The following MAP2K1 variants were observed in gnomAD, a reference collection of about 807,000 sequenced individuals.
MAP2K1 encodes the protein mitogen-activated protein kinase kinase 1, also known as dual specificity mitogen-activated protein kinase kinase 1.
MAP2K1 carries 16 observed loss-of-function variants against 46.3 expected under a neutral mutation model. That is an observed-to-expected ratio of 0.35 (90% CI 0.23 to 0.52). The LOEUF is 0.52. Ranked by LOEUF, MAP2K1 falls within the 20% of genes least tolerant of loss-of-function variation. The probability of loss-of-function intolerance (pLI) is 0.94; values close to 1 mark genes in which losing one functional copy is unlikely to be tolerated. For synonymous variants in MAP2K1, 183 were observed against 185.6 expected, an observed-to-expected ratio of 0.99 and a Z score of 0.11; for missense variants, 263 against 497.1, an observed-to-expected ratio of 0.53 and a Z score of 4.48.
intron 1 of MAP2K1, among the ~76,000 whole-genome samples, chr15:66,408,210 A>G (rs1429827620): frequency 2.0e-5 from 3 of 152,236 alleles, no homozygotes; most frequent in African/African-American, 7.2e-5. Flanking sequence ...CTTACTTTCT[A>G]TCAGGTGAGA....
chr15:66,463,610 G>A (rs1299374587), intron 5 of MAP2K1, among the ~76,000 whole-genome samples: 13 of 152,222 alleles, frequency 8.5e-5, no homozygotes, highest in African/African-American at 2.9e-4. Context: ...AGCCTCCCGA[G>A]TAGCCGGGAT....
intron 5 of MAP2K1, among the ~76,000 whole-genome samples, chr15:66,454,832 G>A (rs765505258): frequency 1.1e-4 from 17 of 151,856 alleles, no homozygotes; most frequent in Non-Finnish European, 2.1e-4. Flanking sequence ...GCAATGAGCC[G>A]AGATCGTGCC....
At chr15:66,429,027 G>A (rs112573515) in intron 1 of MAP2K1, among the ~76,000 whole-genome samples, 3 of 152,020 alleles carry the variant, frequency 2.0e-5, no homozygotes, top group Admixed American at 6.5e-5. Context: ...TGATCCTCCC[G>A]CCTCGGCCTC....
intron 5 of MAP2K1, chr15:66,453,638 A>G (rs1448169572): frequency 4.4e-6 from 3 of 686,346 alleles, no homozygotes; most frequent in Non-Finnish European, 7.9e-6. Flanking sequence ...GGCCAGTTCT[A>G]CCTCTGTTCT....
At chr15:66,484,770 A>G (rs959264220) in intron 6 of MAP2K1, among the ~76,000 whole-genome samples, 5 of 152,202 alleles carry the variant, frequency 3.3e-5, no homozygotes, top group African/African-American at 1.2e-4. Context: ...AGGCCAGATT[A>G]TAGGAGAAAT....
chr15:66,437,252 G>A (rs1363691903), intron 3 of MAP2K1, among the ~76,000 whole-genome samples: 1 of 152,156 alleles, frequency 6.6e-6, no homozygotes, highest in African/African-American at 2.4e-5. Flanking sequence ...GCAAGGCTCT[G>A]GAGTTAAAAA....
chr15:66,474,669 G>A (rs926543657), intron 5 of MAP2K1, among the ~76,000 whole-genome samples: 1 of 152,146 alleles, frequency 6.6e-6, no homozygotes, highest in African/African-American at 2.4e-5. Flanking sequence ...TCAGGGGTCT[G>A]AGTTCTAACC....
At chr15:66,413,272 T>C (rs2093416048) in intron 1 of MAP2K1, among the ~76,000 whole-genome samples, 1 of 152,232 alleles carries the variant, frequency 6.6e-6, no homozygotes, top group Non-Finnish European at 1.5e-5. Flanking sequence ...CATTCTGGGC[T>C]GGTGTCTAGG....
chr15:66,462,030 G>A (rs1376642307), intron 5 of MAP2K1, among the ~76,000 whole-genome samples: 2 of 152,204 alleles, frequency 1.3e-5, no homozygotes, highest in African/African-American at 4.8e-5. Context: ...GGGCTCCAAA[G>A]AGGCAGAAGA....
At chr15:66,452,251 A>C (rs1276184161) in intron 5 of MAP2K1, among the ~76,000 whole-genome samples, 1 of 142,586 alleles carries the variant, frequency 7.0e-6, no homozygotes, top group Non-Finnish European at 1.5e-5. Context: ...ACTAACCTGC[A>C]CAATGTGCAC....
intron 1 of MAP2K1, among the ~76,000 whole-genome samples, chr15:66,405,326 T>G (rs2093393717): frequency 6.6e-6 from 1 of 152,202 alleles, no homozygotes; most frequent in Non-Finnish European, 1.5e-5. Flanking sequence ...TAATTAAAAT[T>G]AAAGTTGAAA....
intron 1 of MAP2K1, among the ~76,000 whole-genome samples, chr15:66,390,000 A>C (rs2093353061): frequency 6.6e-6 from 1 of 152,208 alleles, no homozygotes; most frequent in Admixed American, 6.6e-5. Flanking sequence ...GTAAACTTCC[A>C]AAGCTGTTGG....
chr15:66,454,288 C>T (rs891754791), intron 5 of MAP2K1, among the ~76,000 whole-genome samples: 4 of 148,480 alleles, frequency 2.7e-5, no homozygotes, highest in African/African-American at 4.9e-5. Flanking sequence ...TATGGTGGCC[C>T]GTTTTTTTCC....
At chr15:66,394,298 G>C (rs1472768844) in intron 1 of MAP2K1, among the ~76,000 whole-genome samples, 1 of 152,104 alleles carries the variant, frequency 6.6e-6, no homozygotes, top group African/African-American at 2.4e-5. Context: ...ATTGCATTCA[G>C]GGTGTAGTTC....
chr15:66,434,601 G>T (rs1168087109), intron 1 of MAP2K1, among the ~76,000 whole-genome samples: 2 of 152,046 alleles, frequency 1.3e-5, no homozygotes, highest in Non-Finnish European at 2.9e-5. Context: ...GTTTAAAGTT[G>T]GTTTGATTTC....
intron 5 of MAP2K1, among the ~76,000 whole-genome samples, chr15:66,446,114 A>G (rs1891860715): frequency 6.6e-6 from 1 of 152,020 alleles, no homozygotes; most frequent in Non-Finnish European, 1.5e-5. Context: ...AATCCCAGCT[A>G]ATCAGGAAGC....
At chr15:66,428,267 T>G (rs1280297131) in intron 1 of MAP2K1, among the ~76,000 whole-genome samples, 2 of 116,546 alleles carry the variant, frequency 1.7e-5, no homozygotes, top group African/African-American at 6.5e-5. Context: ...CAACAGCAGT[T>G]GTGCGTGTGT....
intron 5 of MAP2K1, among the ~76,000 whole-genome samples, chr15:66,474,747 T>C (rs1892717445): frequency 6.6e-6 from 1 of 152,110 alleles, no homozygotes; most frequent in Non-Finnish European, 1.5e-5. Flanking sequence ...GGCCTCAGTG[T>C]TTCTCATCTG....
At chr15:66,392,856 G>A (rs146437461) in intron 1 of MAP2K1, among the ~76,000 whole-genome samples, 30 of 152,098 alleles carry the variant, frequency 2.0e-4, no homozygotes, top group Admixed American at 7.2e-4. Context: ...CCTGGCCTTA[G>A]TTTCTTTTTT....
Sources: allele counts gnomAD v4.1 joint callset (sites outside exome capture counted in the v4.1 genomes callset), GRCh38; gene constraint gnomAD v4.1.1; transcripts MANE v1.5; gene names NCBI Gene and HGNC (gene_info 2026-07-23, HGNC 2026-07-21).